The following ZNF28 variants were observed in gnomAD, a reference collection of about 807,000 sequenced individuals.
The protein encoded by ZNF28 is zinc finger protein KOX24.
A neutral mutation model predicts 7.2 loss-of-function variants in ZNF28; 5 were observed. The ratio of observed to expected loss-of-function variants is 0.70; its 90% CI spans 0.36 to 1.46. The LOEUF (loss-of-function observed/expected upper bound fraction) is 1.46. ZNF28 is among the 40% of genes most tolerant of loss of function. ZNF28 has a pLI of 0.03. For missense variants in ZNF28, 879 were observed against 866.6 expected (o/e 1.01, Z -0.18); for synonymous variants, 288 against 292.4 (o/e 0.99, Z 0.15).
At position 52,808,130 on chromosome 19, in the gene ZNF28, G is replaced by C. The variant is rs540479937; in HGVS notation, c.19C>G (p.Leu7Val). Residue 7 changes from leucine to valine, a missense_variant, in exon 3 of 4, where the codon CTA becomes GTA. Around this residue, in one of 2 missense-constraint regions of ZNF28, gnomAD observed 864 missense variants for 830.2 expected, o/e 1.04. Coordinates refer to ENST00000457749, the MANE Select transcript of ZNF28 (RefSeq NM_006969.5). The part of the protein sequence containing the change: MALPQG[L>V]LTFRDVAIEF... Reference sequence around the variant, plus strand: ...ATGGCCACGTCCCTGAATGTCAATAGACCCTGAAATGGAAACACATTTTAA... The same window carrying C: ...ATGGCCACGTCCCTGAATGTCAATACACCCTGAAATGGAAACACATTTTAA... 114 of 1,613,036 alleles carry C rather than the reference G, an allele frequency of 7.1e-5. No individual in the cohort carries two copies. The highest frequency in any genetic ancestry group is 9.1e-5 in the Non-Finnish European group (107 of 1,179,296).
chr19:52,801,511 G>A lies in ZNF28; in HGVS notation c.334C>T (p.Pro112Ser). ...KEDETNDHAA[P>S]MTEIKELTGS... ...GTCAACTCTTTGATTTCTGTCATGG[G>A]TGCTGCATGGTCATTTGTTTCATCT... Residue 112 changes from proline (P) to serine (S), a missense_variant, in exon 4 of 4, where the codon CCC (proline) becomes TCC (serine). This residue lies in a region of ZNF28 where 864 missense variants were observed against 830.2 expected (regional missense o/e 1.04). Transcript: ENST00000457749. The A allele has an allele frequency of 6.2e-7, 1 of 1,614,102 alleles. No individual in the cohort carries two copies. Among genetic ancestry groups the A allele is most frequent in the Non-Finnish European group, 8.5e-7 (1 of 1,179,992 alleles).
intron 2 of ZNF28, among the ~76,000 whole-genome samples, chr19:52,809,288 T>C (rs1270544632): frequency 2.0e-5 from 3 of 152,166 alleles, no homozygotes; most frequent in Non-Finnish European, 4.4e-5. Flanking sequence ...TATGGCACTC[T>C]TTATACAGGG....
intron 2 of ZNF28, chr19:52,809,836 G>GCGGCGT: frequency 1.8e-6 from 1 of 562,028 alleles, no homozygotes; most frequent in Non-Finnish European, 3.1e-6. Context: ...GGCGGCGGCG[G>GCGGCGT]CGGTGGCGGT....
chr19:52,807,937 T>C (rs1275306952), intron 3 of ZNF28, 70 bp downstream of exon 3: 10 of 1,605,274 alleles, frequency 6.2e-6, no homozygotes, highest in Non-Finnish European at 7.7e-6. Flanking sequence ...AGTAAGGATG[T>C]GGCTCCCAAG....
In ZNF28 at chr19:52,800,905, G is replaced by C. The variant is rs760712253; in HGVS notation, c.940C>G (p.Leu314Val). The change falls in exon 4 of 4, where the codon CTT becomes GTT. Residue 314 changes from leucine to valine, a missense_variant. Physicochemically the swap from Leu to Val is conservative, Grantham distance 32. This residue lies in a region of ZNF28 where 864 missense variants were observed against 830.2 expected (regional missense o/e 1.04). Coordinates refer to ENST00000457749, the MANE Select transcript of ZNF28 (RefSeq NM_006969.5). ...CDKVFSRKSH[L>V]ETHKIIYTGG... is the part of the protein sequence containing the mutation. ...GTATAAATTATCTTATGTGTTTCAAGGTGTGATTTGCGACTGAAAACTTTG... is the reference window on the plus strand; with the variant it reads ...GTATAAATTATCTTATGTGTTTCAACGTGTGATTTGCGACTGAAAACTTTG... The C allele has an allele frequency of 1.4e-5, 23 of 1,613,890 alleles. No individual in the cohort carries two copies. Among genetic ancestry groups the C allele is most frequent in the African/African-American group, 6.7e-5 (5 of 74,898 alleles).
chr19:52,804,498 G>T (rs988614454), intron 3 of ZNF28, among the ~76,000 whole-genome samples: 1 of 151,862 alleles, frequency 6.6e-6, no homozygotes, highest in Non-Finnish European at 1.5e-5. Context: ...AACCTCCCAA[G>T]TAGCTGGGAT....
chr19:52,804,443 G>A (rs1001652213), intron 3 of ZNF28, among the ~76,000 whole-genome samples: 12 of 151,912 alleles, frequency 7.9e-5, no homozygotes, highest in African/African-American at 1.9e-4. Flanking sequence ...TGATCTTGGC[G>A]CACTGCAACC....
intron 3 of ZNF28, chr19:52,805,302 A>G (rs1334606301): frequency 6.6e-6 from 1 of 150,484 alleles, no homozygotes; most frequent in African/African-American, 2.4e-5. Flanking sequence ...AAAGAAGGCT[A>G]AAGAGTAACT....
At position 52,810,582 on chromosome 19, in the gene ZNF28, G is replaced by A. The variant is rs981956879; in HGVS notation, c.16-2449C>T. The A allele has an allele frequency of 1.4e-4, 224 of 1,589,382 alleles. 1 individual carries two copies. In the African/African-American group the frequency reaches 1.7e-3, roughly 12 times the overall value. ...ACAGACCGGGGTCTTCCACGAGCCC[G>A]CTACCGCGCCCGACCACCAACTACA... On this transcript the variant is annotated intron_variant, in intron 2 of 3. Transcript: ENST00000457749.
In ZNF28 at chr19:52,799,309, G is replaced by T; in HGVS notation, c.*379C>A. 2.2e-6 allele frequency: 1 copy of T among 449,114 alleles called. No individual in the cohort carries two copies. The highest frequency in any genetic ancestry group is 4.2e-6 in the Non-Finnish European group (1 of 239,576). 27.8% of individuals were successfully genotyped at this position (449,114 alleles called of 1,614,324 possible). ...GTTTGAATTCTAATATGTTTTGCCAGGTATGAATTATATTCAAAAATCTTG... is the reference window on the plus strand; with the variant it reads ...GTTTGAATTCTAATATGTTTTGCCATGTATGAATTATATTCAAAAATCTTG... On this transcript the variant is annotated 3_prime_UTR_variant, in exon 4 of 4. Transcript: ENST00000457749.
chr19:52,806,252 G>T (rs144061973), intron 3 of ZNF28, among the ~76,000 whole-genome samples: 1 of 151,908 alleles, frequency 6.6e-6, no homozygotes, highest in Non-Finnish European at 1.5e-5. Flanking sequence ...GGAGTGCAAC[G>T]GTGCGATCTC....
Position 52,799,543 on chromosome 19 carries a change from T to C in ZNF28, c.*145A>G. On this transcript the variant is annotated 3_prime_UTR_variant, in exon 4 of 4. Transcript: ENST00000457749. ...TTGTAAAGTTTCTCTCCAGTATGAA[T>C]GGCTTTGTGACTTACAAGGGTTGAA... is the stretch of plus-strand genomic sequence containing the variant. The C allele has an allele frequency of 4.2e-6, 6 of 1,417,360 alleles. No individual in the cohort carries two copies. The highest frequency in any genetic ancestry group is 2.4e-5 in the South Asian group (2 of 81,760). The allele number at this position is 1,417,360 out of a possible 1,614,324, so 87.8% of individuals were successfully genotyped here.
At chr19:52,817,501 T>C (rs2063141923) in intron 2 of ZNF28, among the ~76,000 whole-genome samples, 1 of 152,312 alleles carries the variant, frequency 6.6e-6, no homozygotes, top group South Asian at 2.1e-4. Flanking sequence ...AAATGTGGTA[T>C]AAAATCAGGG....
Position 52,799,794 on chromosome 19 carries a change from A to T in ZNF28, c.2051T>A (p.Val684Asp). 1.2e-6 allele frequency: 2 copies of T among 1,613,902 alleles called. No individual in the cohort carries two copies. Among genetic ancestry groups the T allele is most frequent in the Admixed American group, 1.7e-5 (1 of 59,982 alleles). Reference protein sequence around the residue: ...QQAHLAQHQRVHTGEKPYKCN... With the variant: ...QQAHLAQHQRDHTGEKPYKCN... ...CTTGTAAGGTTTCTCTCCAGTATGA[A>T]CTCTCTGATGCTGTGCAAGGTGTGC... is the stretch of plus-strand genomic sequence containing the variant. Residue 684 changes from valine to aspartate, a missense_variant, in exon 4 of 4, where the codon GTT (valine) becomes GAT (aspartate). This residue lies in a region of ZNF28 where 864 missense variants were observed against 830.2 expected (regional missense o/e 1.04). Transcript: ENST00000457749.
rs778271645 is a variant in ZNF28 at position 52,800,460 on chromosome 19, G to A, written c.1385C>T (p.Thr462Ile). 6.2e-6 allele frequency: 10 copies of A among 1,613,652 alleles called. No homozygotes were observed. The highest frequency in any genetic ancestry group is 6.8e-6 in the Non-Finnish European group (8 of 1,179,866). Residue 462 changes from threonine to isoleucine, a missense_variant, in exon 4 of 4, where the codon ACT (threonine) becomes ATT (isoleucine). Around this residue, in one of 2 missense-constraint regions of ZNF28, gnomAD observed 864 missense variants for 830.2 expected, o/e 1.04. Transcript: ENST00000457749. ...TTCACATTTGTATGGTTTCTCTGCAGTATGAAGTCTATGATGGCGTGCAAG... is the reference window on the plus strand; with the variant it reads ...TTCACATTTGTATGGTTTCTCTGCAATATGAAGTCTATGATGGCGTGCAAG... ...STLARHHRLH[T>I]AEKPYKCEEC...
rs1168974792 is a variant in ZNF28 at position 52,801,236 on chromosome 19, T to C, written c.609A>G (p.Thr203=). ...CTCTCATGTGTACATTCCGTTTTTGTGTGAGTAATGAAGAATGGAGGGAAT... is the reference window on the plus strand; with the variant it reads ...CTCTCATGTGTACATTCCGTTTTTGCGTGAGTAATGAAGAATGGAGGGAAT... ...GNNSLHSSLL[T]QKRNVHMREK... Residue 203 remains threonine, a synonymous_variant, in exon 4 of 4, where the codon ACA becomes ACG. Coordinates refer to ENST00000457749, the MANE Select transcript of ZNF28 (RefSeq NM_006969.5). 4.3e-6 allele frequency: 7 copies of C among 1,614,052 alleles called. No homozygotes were observed. In the Admixed American group the frequency reaches 6.7e-5, roughly 15 times the overall value.
rs771803446 is a variant in ZNF28 at position 52,800,065 on chromosome 19, G to C, written c.1780C>G (p.Leu594Val). The change falls in exon 4 of 4, where the codon CTG becomes GTG. Residue 594 changes from leucine to valine, a missense_variant. By Grantham distance (32) the Leu-to-Val change is conservative (BLOSUM62 1). Around this residue, in one of 2 missense-constraint regions of ZNF28, gnomAD observed 864 missense variants for 830.2 expected, o/e 1.04. Coordinates refer to ENST00000457749, the MANE Select transcript of ZNF28 (RefSeq NM_006969.5). ...GTATGAACTCTCTGATGTTGTGCCA[G>C]GTGTGAATCCCTCCGGAAAGCCTTG... Reference protein sequence around the residue: ...CDKAFRRDSHLAQHQRVHTGE... With the variant: ...CDKAFRRDSHVAQHQRVHTGE... 1 of 1,614,152 alleles carries C rather than the reference G, an allele frequency of 6.2e-7. No individual in the cohort carries two copies. Among genetic ancestry groups the C allele is most frequent in the Non-Finnish European group, 8.5e-7 (1 of 1,179,998 alleles).
chr19:52,810,004 T>C, intron 2 of ZNF28: 1 of 760,084 alleles, frequency 1.3e-6, no homozygotes, highest in Non-Finnish European at 2.3e-6. Flanking sequence ...CCTGAGGAGC[T>C]GCTGTTGGAG....
intron 2 of ZNF28, among the ~76,000 whole-genome samples, chr19:52,815,402 A>C (rs1339117368): frequency 1.4e-5 from 2 of 145,650 alleles, no homozygotes; most frequent in Non-Finnish European, 3.0e-5. Context: ...CTGTAGTCCC[A>C]GCTACTCGAG....
Sources: allele counts gnomAD v4.1 joint callset (sites outside exome capture counted in the v4.1 genomes callset), GRCh38; gene constraint gnomAD v4.1.1; regional missense constraint gnomAD v4.1.1; transcripts MANE v1.5; gene names NCBI Gene and HGNC (gene_info 2026-07-23, HGNC 2026-07-21).